ITGB4: variants seen among roughly 807,000 people sequenced by gnomAD.
ITGB4 encodes the protein integrin beta-4.
Under a neutral mutation model 207.6 loss-of-function variants are expected in ITGB4, and 159 were observed. The ratio of observed to expected loss-of-function variants is 0.77; its 90% CI spans 0.67 to 0.87. ITGB4 has a LOEUF of 0.87. Among genes scored for constraint, ITGB4 ranks in the 40% least tolerant of loss-of-function variants. ITGB4 has a pLI of 0.00. For synonymous variants in ITGB4, 1,020 were observed against 1,062.7 expected, an observed-to-expected ratio of 0.96 and a Z score of 0.78; for missense variants, 2,278 against 2,546.8, an observed-to-expected ratio of 0.89 and a Z score of 2.27.
At position 75,736,304 on chromosome 17, in the gene ITGB4, G is replaced by T; in HGVS notation, c.1778G>T (p.Arg593Leu). Residue 593 changes from arginine (R) to leucine (L), a missense_variant, in exon 15 of 40, where the codon CGT becomes CTT. Arg to Leu is a moderately radical substitution (Grantham distance 102). Coordinates refer to ENST00000200181, the MANE Select transcript of ITGB4 (RefSeq NM_000213.5). ...IDSNGGICNG[R>L]GHCECGRCHC... ...CTACCCCAGGGCATCTGTAATGGAC[G>T]TGGCCACTGTGAGTGTGGCCGCTGC... 1 of 1,613,952 alleles carries T rather than the reference G, an allele frequency of 6.2e-7. No individual in the cohort carries two copies. Among genetic ancestry groups the T allele is most frequent in the Non-Finnish European group, 8.5e-7 (1 of 1,179,980 alleles).
At position 75,729,835 on chromosome 17, in the gene ITGB4, A is replaced by G. The variant is rs187161316; in HGVS notation, c.738+399A>G. On this transcript the variant is annotated intron_variant, in intron 7 of 39. Coordinates refer to ENST00000200181, the MANE Select transcript of ITGB4 (RefSeq NM_000213.5). The surrounding 1 kb of genome is among the most constrained non-coding windows in gnomAD (Gnocchi z 4.4). ...TTCATTCTGAAAATGACATACCCAT[A>G]TTACTAGGTTAGAAAACAAAGAGCT... Among the ~76,000 whole-genome samples, 456 of 152,302 alleles carry G rather than the reference A, an allele frequency of 3.0e-3. 2 individuals carry two copies. Among genetic ancestry groups the G allele is most frequent in the Non-Finnish European group, 5.0e-3 (342 of 68,008 alleles).
In ITGB4 at chr17:75,753,327, C is replaced by A. The variant is rs549018426; in HGVS notation, c.4109-438C>A. ...GTGTGACTCTGGAACCCCAGCTCAG[C>A]TGCTTCTAACACTACCTGCGAAGCG... On this transcript the variant is annotated intron_variant, in intron 32 of 39. Transcript: ENST00000200181. 2.3e-3 allele frequency among the ~76,000 whole-genome samples: 350 copies of A among 152,330 alleles called. 2 individuals are homozygous for A. Among genetic ancestry groups the A allele is most frequent in the Non-Finnish European group, 3.1e-3 (208 of 68,028 alleles).
intron 30 of ITGB4, chr17:75,751,579 T>C (rs1459785406): frequency 1.3e-5 from 3 of 230,242 alleles, no homozygotes; most frequent in African/African-American, 6.9e-5. Context: ...GGTGAAACCG[T>C]TTCTACTAAA....
At position 75,750,318 on chromosome 17, in the gene ITGB4, C is replaced by G. The variant is rs2061338969; in HGVS notation, c.3474+50C>G. 6.4e-7 allele frequency: 1 copy of G among 1,559,872 alleles called. No homozygotes were observed. The highest frequency in any genetic ancestry group is 1.8e-5 in the Admixed American group (1 of 55,560). On this transcript the variant is annotated intron_variant, in intron 28 of 39. Coordinates refer to ENST00000200181, the MANE Select transcript of ITGB4 (RefSeq NM_000213.5). The surrounding 1 kb of genome is among the most constrained non-coding windows in gnomAD (Gnocchi z 5.5). ...GACAGGTGGATGGGCGGTCTGGCAC[C>G]AGCACTCACAGAAGAGGTGGGCCGT...
In ITGB4 at chr17:75,756,946, C is replaced by T. The variant is rs1316986036; in HGVS notation, c.5057C>T (p.Pro1686Leu). The T allele has an allele frequency of 1.9e-6, 3 of 1,612,588 alleles. No individual in the cohort carries two copies. The highest frequency in any genetic ancestry group is 2.5e-6 in the Non-Finnish European group (3 of 1,179,926). ...VTCEMAQGGG[P>L]ATAFRVDGDS... is the part of the protein sequence containing the mutation. ...TGAAGGCATCTTCCCTGCTCAGGGC[C>T]AGCCACCGCATTCCGGGTGGATGGA... Residue 1686 changes from proline (P) to leucine (L), a missense_variant, in exon 38 of 40, where the codon CCA becomes CTA. Transcript: ENST00000200181.
rs761289942 is a variant in ITGB4, at chr17:75,753,823, G to A, written c.4167G>A (p.Thr1389=). Residue 1389 remains threonine, a synonymous_variant, in exon 33 of 40, where the codon ACG becomes ACA. Transcript: ENST00000200181. ...LGEELDLRRV[T]WRLPPELIPR... ...AGGAGCTGGACCTGCGGCGCGTCAC[G>A]TGGCGGCTGCCCCCGGAGCTCATCC... The A allele has an allele frequency of 2.7e-6, 4 of 1,461,952 alleles. No homozygotes were observed. The highest frequency in any genetic ancestry group is 4.4e-5 in the Admixed American group (2 of 45,840). The allele number at this position is 1,461,952 out of a possible 1,614,324, so 90.6% of individuals were successfully genotyped here. A position where few individuals can be genotyped will look rare whatever the true frequency, so the allele number is the denominator to read the frequency against.
rs1436176943 is a variant in ITGB4, at chr17:75,731,351, A to G, written c.1198A>G (p.Ile400Val). 2.5e-6 allele frequency: 4 copies of G among 1,610,880 alleles called. No individual in the cohort carries two copies. Among genetic ancestry groups the G allele is most frequent in the South Asian group, 1.1e-5 (1 of 91,022 alleles). Residue 400 changes from isoleucine to valine, a missense_variant, in exon 10 of 40, where the codon ATC becomes GTC. Transcript: ENST00000200181. The surrounding 1 kb of genome is among the most constrained non-coding windows in gnomAD (Gnocchi z 6.8). ...GAAGACGAGGACTGGGTCCTTTCAC[A>G]TCCGGCGGGGGGAAGTGGTACGCCT... ...FQKTRTGSFHIRRGEVGIYQV... is the reference protein window; with the variant it reads ...FQKTRTGSFHVRRGEVGIYQV...
In ITGB4 at chr17:75,737,734, G is replaced by A. The variant is rs535823046; in HGVS notation, c.2220+90G>A. 72 of 1,060,970 alleles carry A rather than the reference G, an allele frequency of 6.8e-5. No individual in the cohort carries two copies. The African/African-American group carries it at 1.1e-3, about 17-fold the overall frequency. The allele number at this position is 1,060,970 out of a possible 1,614,324, so 65.7% of individuals were successfully genotyped here. On this transcript the variant is annotated intron_variant, in intron 18 of 39. Coordinates refer to ENST00000200181, the MANE Select transcript of ITGB4 (RefSeq NM_000213.5). ...CCCTCCACCAGGGTCCCCAGTCCCCGCCTGAGTTCTCATCTCCCCAGGGTC... is the reference window on the plus strand; with the variant it reads ...CCCTCCACCAGGGTCCCCAGTCCCCACCTGAGTTCTCATCTCCCCAGGGTC...
chr17:75,729,905 A>C lies in ITGB4; in HGVS notation c.739-336A>C, dbSNP rs1234677500. On this transcript the variant is annotated intron_variant, in intron 7 of 39. Coordinates refer to ENST00000200181, the MANE Select transcript of ITGB4 (RefSeq NM_000213.5). This position sits in a 1 kb window ranked among gnomAD's most constrained non-coding sequence, Gnocchi z 4.4. Reference sequence around the variant, plus strand: ...ACACCTGTAATCCCAGCACTTTGGGAGGCCGAGGCGGGGGGATTGCTTGAA... The same window carrying C: ...ACACCTGTAATCCCAGCACTTTGGGCGGCCGAGGCGGGGGGATTGCTTGAA... Among the ~76,000 whole-genome samples the C allele has an allele frequency of 6.6e-6, 1 of 152,214 alleles. No homozygotes were observed. The highest frequency in any genetic ancestry group is 1.5e-5 in the Non-Finnish European group (1 of 68,034).
chr17:75,754,512 G>A (rs2061440587), intron 33 of ITGB4, 64 bp from the exon 34 acceptor site: 1 of 1,607,788 alleles, frequency 6.2e-7, no homozygotes, highest in Non-Finnish European at 8.5e-7. Context: ...GCAGGGCCCA[G>A]CCTGCCCCAC....
At position 75,754,621 on chromosome 17, in the gene ITGB4, C is replaced by T. The variant is rs554267559; in HGVS notation, c.4364C>T (p.Thr1455Ile). 2.4e-5 allele frequency: 39 copies of T among 1,614,012 alleles called. No homozygotes were observed. In the South Asian group the frequency reaches 3.0e-4, roughly 12 times the overall value. The change falls in exon 34 of 40, where the codon ACC (threonine) becomes ATC (isoleucine). Residue 1455 changes from threonine (T) to isoleucine (I), a missense_variant. Thr to Ile is a moderately conservative substitution (Grantham distance 89). Transcript: ENST00000200181. Reference protein sequence around the residue: ...GRMDFAFPGSTNSLHRMTTTS... With the variant: ...GRMDFAFPGSINSLHRMTTTS... ...ATGGACTTTGCCTTCCCGGGCAGCA[C>T]CAACTCCCTGCACAGGATGACCACG...
intron 30 of ITGB4, 71 bp from the exon 31 acceptor site, chr17:75,752,102 TG>T: frequency 6.6e-7 from 1 of 1,518,452 alleles, no homozygotes; most frequent in Non-Finnish European, 9.1e-7. Flanking sequence ...ACGGCCGTCC[TG>T]CTGTGTCAGG....
chr17:75,735,412 C>CT (rs71361693), intron 13 of ITGB4, among the ~76,000 whole-genome samples: 1,793 of 102,856 alleles, frequency 0.017, 49 homozygotes, highest in Middle Eastern at 0.023. Flanking sequence ...TTTTTCTTTT[C>CT]TTTTTTTTTT....
rs969915212 is a variant in ITGB4, at chr17:75,741,109, A to AG, written c.2633+107dup. 39 of 1,313,954 alleles carry AG rather than the reference A, an allele frequency of 3.0e-5. No homozygotes were observed. In the African/African-American group the frequency reaches 4.8e-4, roughly 16 times the overall value. 81.4% of individuals were successfully genotyped at this position (1,313,954 alleles called of 1,614,324 possible). On this transcript the variant is annotated intron_variant, in intron 23 of 39. Coordinates refer to ENST00000200181, the MANE Select transcript of ITGB4 (RefSeq NM_000213.5). ...CCTACTCCATCTCCATCCCATAGGA[A>AG]GGGAGGGTCAGATGTGTCCGTCAGG...
At chr17:75,752,031 A>G (rs928114692) in intron 30 of ITGB4, 143 bp from the exon 31 acceptor site, 25 of 895,008 alleles carry the variant, frequency 2.8e-5, no homozygotes, top group Non-Finnish European at 4.5e-5. Flanking sequence ...CGCAGGCGGC[A>G]ATTCAGCAGT....
rs780575580 is a variant in ITGB4 at position 75,730,350 on chromosome 17, G to A, written c.848G>A (p.Arg283His). The change falls in exon 8 of 40, where the codon CGC becomes CAC. Residue 283 changes from arginine to histidine, a missense_variant. Transcript: ENST00000200181. ...AACGTGCTGGCTGGCATCATGAGCC[G>A]CAACGATGAACGGTGCCACCTGGAC... Reference protein sequence around the residue: ...GANVLAGIMSRNDERCHLDTT... With the variant: ...GANVLAGIMSHNDERCHLDTT... 94 of 1,613,788 alleles carry A rather than the reference G, an allele frequency of 5.8e-5. No individual in the cohort carries two copies. Among genetic ancestry groups the A allele is most frequent in the African/African-American group, 2.3e-4 (17 of 75,006 alleles).
At chr17:75,736,773 G>A in intron 16 of ITGB4, 79 bp downstream of exon 16, 2 of 1,486,612 alleles carry the variant, frequency 1.3e-6, no homozygotes, top group Non-Finnish European at 1.8e-6. Context: ...GTCATCACCT[G>A]GACGGGGGCT....
At position 75,742,262 on chromosome 17, in the gene ITGB4, G is replaced by T; in HGVS notation, c.2634-79G>T. On this transcript the variant is annotated intron_variant, in intron 23 of 39. Transcript: ENST00000200181. The surrounding 1 kb of genome is among the most constrained non-coding windows in gnomAD (Gnocchi z 5.9). Reference sequence around the variant, plus strand: ...GTCTTACATCCTGGCCCCTGAAGGGGAGAAGACAGGCAGGAGGGACAGGGC... The same window carrying T: ...GTCTTACATCCTGGCCCCTGAAGGGTAGAAGACAGGCAGGAGGGACAGGGC... 6.3e-7 allele frequency: 1 copy of T among 1,576,828 alleles called. No homozygotes were observed. The highest frequency in any genetic ancestry group is 8.7e-7 in the Non-Finnish European group (1 of 1,150,206).
chr17:75,738,834 T>G (rs2061041387), intron 18 of ITGB4, among the ~76,000 whole-genome samples: 1 of 152,138 alleles, frequency 6.6e-6, no homozygotes, highest in Admixed American at 6.6e-5. Flanking sequence ...AGGTTTGAGC[T>G]AGGCACGGCT....
Sources: allele counts gnomAD v4.1 joint callset (sites outside exome capture counted in the v4.1 genomes callset), GRCh38; gene constraint gnomAD v4.1.1; non-coding constraint Gnocchi (gnomAD v3.1); transcripts MANE v1.5; gene names NCBI Gene and HGNC (gene_info 2026-07-23, HGNC 2026-07-21).